Variants in SNRPB observed in about 807,000 individuals in gnomAD.
SNRPB encodes the protein small nuclear ribonucleoprotein-associated proteins B and B'.
SNRPB carries 5 observed loss-of-function variants against 26.6 expected under a neutral mutation model. The ratio of observed to expected loss-of-function variants is 0.19; its 90% CI spans 0.10 to 0.39. The LOEUF (loss-of-function observed/expected upper bound fraction) is 0.39. Ranked by LOEUF, SNRPB falls within the 10% of genes least tolerant of loss-of-function variation. The pLI, the probability that SNRPB is intolerant of heterozygous loss-of-function variation, is 1.00. For synonymous variants in SNRPB, 122 were observed against 105.8 expected, an observed-to-expected ratio of 1.15 and a Z score of -0.94; for missense variants, 211 against 311.9, an observed-to-expected ratio of 0.68 and a Z score of 2.44.
In SNRPB at chr20:2,463,885, T is replaced by G; in HGVS notation, c.282A>C (p.Arg94=). The part of the protein sequence containing the change: ...GPPPKDTGIA[R]VPLAGAAGGP... ...CCCCGGCAGCTCCAGCAAGTGGAAC[T>G]CGAGCAATACCAGTCTGAAAAATAA... Residue 94 remains arginine, a synonymous_variant, in exon 4 of 7, where the codon CGA becomes CGC. Transcript: ENST00000381342. This position sits in a 1 kb window ranked among gnomAD's most constrained non-coding sequence, Gnocchi z 5.0. 1 of 1,613,460 alleles carries G rather than the reference T, an allele frequency of 6.2e-7. No individual in the cohort carries two copies. Among genetic ancestry groups the G allele is most frequent in the Middle Eastern group, 1.7e-4 (1 of 6,054 alleles).
At chr20:2,465,390 C>CTTTTTT (rs1222595485) in intron 3 of SNRPB, among the ~76,000 whole-genome samples, 7 of 122,296 alleles carry the variant, frequency 5.7e-5, no homozygotes, top group African/African-American at 1.8e-4. Context: ...AGGGTAACCT[C>CTTTTTT]TTTTTTTTTT....
chr20:2,462,629 C>T lies in SNRPB; in HGVS notation c.685+7G>A, dbSNP rs1417183001. 2 of 1,612,556 alleles carry T rather than the reference C, an allele frequency of 1.2e-6. No individual in the cohort carries two copies. Among genetic ancestry groups the T allele is most frequent in the Middle Eastern group, 1.6e-4 (1 of 6,078 alleles). Reference sequence around the variant, plus strand: ...AAGAAGCCAAAGTCACCACTGCAGGCACTTACCTCGCATCCCAGGGGGAGG... The same window carrying T: ...AAGAAGCCAAAGTCACCACTGCAGGTACTTACCTCGCATCCCAGGGGGAGG... On this transcript the variant is annotated splice_region_variant and intron_variant, in intron 6 of 6. Transcript: ENST00000381342.
At chr20:2,470,017 C>T (rs2085101612) in intron 1 of SNRPB, among the ~76,000 whole-genome samples, 1 of 152,214 alleles carries the variant, frequency 6.6e-6, no homozygotes. Context: ...CATTCTTACC[C>T]CGCCCCGCTG....
chr20:2,465,125 G>A (rs1054572256), intron 3 of SNRPB, among the ~76,000 whole-genome samples: 2 of 152,210 alleles, frequency 1.3e-5, no homozygotes, highest in African/African-American at 4.8e-5. Flanking sequence ...ATAAAATACT[G>A]AAGTGGTTGG....
Position 2,463,864 on chromosome 20 carries a change from G to A in SNRPB, c.303C>T (p.Ala101=), listed in dbSNP as rs11545677. Residue 101 remains alanine (A), a synonymous_variant, in exon 4 of 7, where the codon GCC becomes GCT. Transcript: ENST00000381342. This position sits in a 1 kb window ranked among gnomAD's most constrained non-coding sequence, Gnocchi z 5.0. ...GIARVPLAGA[A]GGPGIGRAAG... ...CAGCCCTGCCGATCCCTGGGCCCCC[G>A]GCAGCTCCAGCAAGTGGAACTCGAG... is the stretch of plus-strand genomic sequence containing the variant. The A allele has an allele frequency of 3.2e-5, 51 of 1,613,284 alleles. No individual in the cohort carries two copies. Among genetic ancestry groups the A allele is most frequent in the Admixed American group, 6.7e-5 (4 of 59,892 alleles).
chr20:2,465,902 T>C (rs2085070349), intron 2 of SNRPB, 83 bp from the exon 3 acceptor site: 1 of 969,774 alleles, frequency 1.0e-6, no homozygotes, highest in South Asian at 1.3e-5. Flanking sequence ...GATTTGCTTA[T>C]ACTGCATCTC....
intron 1 of SNRPB, among the ~76,000 whole-genome samples, chr20:2,470,380 C>A (rs1414216718): frequency 1.3e-5 from 2 of 152,224 alleles, no homozygotes; most frequent in Non-Finnish European, 2.9e-5. Context: ...TATATTTATT[C>A]GGCAAAAGTT....
At chr20:2,470,630 G>A (rs2085107834) in intron 1 of SNRPB, 58 bp downstream of exon 1, 1 of 1,609,958 alleles carries the variant, frequency 6.2e-7, no homozygotes, top group Non-Finnish European at 8.5e-7. Context: ...ATCAGTCGCG[G>A]TTCCCACTCC....
chr20:2,465,910 C>T, intron 2 of SNRPB, 91 bp from the exon 3 acceptor site: 1 of 897,164 alleles, frequency 1.1e-6, no homozygotes, highest in Non-Finnish European at 1.8e-6. Flanking sequence ...TATACTGCAT[C>T]TCCTAACAAA....
chr20:2,464,771 G>A lies in SNRPB; in HGVS notation c.268-872C>T, dbSNP rs180830027. ...TGTAATCCCCGCTACTCGGGAGGCT[G>A]AGGCAGGAGAATCACTTGAACCCGG... On this transcript the variant is annotated intron_variant, in intron 3 of 6. Coordinates refer to ENST00000381342, the MANE Select transcript of SNRPB (RefSeq NM_003091.4). 5.9e-3 allele frequency among the ~76,000 whole-genome samples: 895 copies of A among 152,104 alleles called. 12 individuals carry two copies. The highest frequency in any genetic ancestry group is 0.02 in the African/African-American group (845 of 41,462).
chr20:2,464,858 G>A (rs2085061148), intron 3 of SNRPB, among the ~76,000 whole-genome samples: 2 of 142,754 alleles, frequency 1.4e-5, no homozygotes, highest in South Asian at 2.2e-4. Flanking sequence ...GACAGAGCGA[G>A]ACTCCATCTA....
At position 2,461,945 on chromosome 20, in the gene SNRPB, G is replaced by GT. The variant is rs2085037021; in HGVS notation, c.686-7dup. ...GGCCAAGGGTCAAAGAAGGCCTGAA[G>GT]TAAGAGTAAGAAGTTTAGTCAGTGC... On this transcript the variant is annotated splice_polypyrimidine_tract_variant and splice_region_variant and intron_variant, in intron 6 of 6. Coordinates refer to ENST00000381342, the MANE Select transcript of SNRPB (RefSeq NM_003091.4). The GT allele has an allele frequency of 2.5e-6, 4 of 1,609,222 alleles. No individual in the cohort carries two copies. The highest frequency in any genetic ancestry group is 2.5e-6 in the Non-Finnish European group (3 of 1,177,576).
Position 2,461,948 on chromosome 20 carries a change from A to G in SNRPB, c.686-9T>C. ...CAAGGGTCAAAGAAGGCCTGAAGTA[A>G]GAGTAAGAAGTTTAGTCAGTGCCTG... is the stretch of plus-strand genomic sequence containing the variant. On this transcript the variant is annotated splice_polypyrimidine_tract_variant and intron_variant, in intron 6 of 6. Transcript: ENST00000381342. The G allele has an allele frequency of 6.2e-7, 1 of 1,608,758 alleles. No homozygotes were observed. Among genetic ancestry groups the G allele is most frequent in the Admixed American group, 1.7e-5 (1 of 59,584 alleles).
At chr20:2,468,586 G>A (rs2122495103) in intron 1 of SNRPB, among the ~76,000 whole-genome samples, 1 of 152,264 alleles carries the variant, frequency 6.6e-6, no homozygotes, top group East Asian at 1.9e-4. Flanking sequence ...TCATCTCTGT[G>A]AGCTCAGACA....
Position 2,463,720 on chromosome 20 carries a change from G to A in SNRPB, c.420+27C>T. On this transcript the variant is annotated intron_variant, in intron 4 of 6. Transcript: ENST00000381342. The surrounding 1 kb of genome is among the most constrained non-coding windows in gnomAD (Gnocchi z 5.0). ...TTATCCTTTATTTTAGCCACCAGGA[G>A]GTGGTACCCTTTCCCCAACTCCTCA... 6.5e-7 allele frequency: 1 copy of A among 1,536,110 alleles called. No individual in the cohort carries two copies. The highest frequency in any genetic ancestry group is 8.8e-7 in the Non-Finnish European group (1 of 1,141,574).
In SNRPB at chr20:2,463,216, T is replaced by C. The variant is rs2085048091; in HGVS notation, c.432A>G (p.Pro144=). 6.2e-7 allele frequency: 1 copy of C among 1,612,502 alleles called. No individual in the cohort carries two copies. The highest frequency in any genetic ancestry group is 2.2e-5 in the East Asian group (1 of 44,872). Residue 144 remains proline, a synonymous_variant, in exon 5 of 7, where the codon CCA becomes CCG. Transcript: ENST00000381342. The surrounding 1 kb of genome is among the most constrained non-coding windows in gnomAD (Gnocchi z 5.0). ...VGGPSQQVMT[P]QGRGTVAAAA... ...CGGCTGCAACAGTACCTCTTCCTTG[T>C]GGGGTCATCACCTAAGAGGACATAA...
intron 1 of SNRPB, 26 bp downstream of exon 1, chr20:2,470,662 G>T: frequency 6.2e-7 from 1 of 1,613,430 alleles, no homozygotes. Context: ...GGAAGCTCCC[G>T]CGCCGCCAGC....
At position 2,465,390 on chromosome 20, in the gene SNRPB, C is replaced by CTT. The variant is rs1222595485; in HGVS notation, c.267+316_267+317dup. 2.0e-3 allele frequency among the ~76,000 whole-genome samples: 239 copies of CTT among 122,276 alleles called. 3 individuals are homozygous for CTT. Among genetic ancestry groups the CTT allele is most frequent in the African/African-American group, 7.0e-3 (231 of 32,976 alleles). 80.2% of individuals were successfully genotyped at this position (122,276 alleles called of 152,430 possible). ...CCACTTCTTTCTTGCAGGGTAACCT[C>CTT]TTTTTTTTTTTTTTGTCTTTTTTTT... On this transcript the variant is annotated intron_variant, in intron 3 of 6. Transcript: ENST00000381342.
chr20:2,467,709 C>T lies in SNRPB; in HGVS notation c.53G>A (p.Arg18Lys). The change falls in exon 2 of 7, where the codon AGG becomes AAG. Residue 18 changes from arginine (R) to lysine (K), a missense_variant. Coordinates refer to ENST00000381342, the MANE Select transcript of SNRPB (RefSeq NM_003091.4). ...GATCCGGCCGTCCTGCAGGATGCAC[C>T]TCATCCTGTAATCAATATGCTGCAG... Reference protein sequence around the residue: ...KMLQHIDYRMRCILQDGRIFI... With the variant: ...KMLQHIDYRMKCILQDGRIFI... 6 of 1,613,590 alleles carry T rather than the reference C, an allele frequency of 3.7e-6. No individual in the cohort carries two copies. Among genetic ancestry groups the T allele is most frequent in the African/African-American group, 1.3e-5 (1 of 75,036 alleles).
Sources: gnomAD v4.1 joint callset for allele counts (sites outside exome capture counted in the v4.1 genomes callset) on GRCh38, gnomAD v4.1.1 for gene constraint, Gnocchi (gnomAD v3.1) non-coding constraint, MANE v1.5 for transcripts, NCBI Gene and HGNC (gene_info 2026-07-23, HGNC 2026-07-21) for gene names.